The following DTNBP1 variants were observed in gnomAD, a reference collection of about 807,000 sequenced individuals.
The protein encoded by DTNBP1 is dystrobrevin binding protein 1.
DTNBP1 carries 35 observed loss-of-function variants against 42.8 expected under a neutral mutation model. That is an observed-to-expected ratio of 0.82 (90% CI 0.63 to 1.09). The LOEUF (loss-of-function observed/expected upper bound fraction) is 1.09, where lower values mean the gene tolerates loss of function less well. DTNBP1 is among the 50% of genes least tolerant of loss of function. The pLI is 0.00. For synonymous variants in DTNBP1, 171 were observed against 162.2 expected, an observed-to-expected ratio of 1.05 and a Z score of -0.41; for missense variants, 457 against 424.2, an observed-to-expected ratio of 1.08 and a Z score of -0.68.
Position 15,662,726 on chromosome 6 carries a change from G to A in DTNBP1, c.56+88C>T. 3.8e-6 allele frequency: 6 copies of A among 1,566,942 alleles called. No homozygotes were observed. The South Asian group carries it at 5.6e-5, about 15-fold the overall frequency. On this transcript the variant is annotated intron_variant, in intron 1 of 9. Transcript: ENST00000344537. ...TGCGGGACAGGACGGACCCTGGACC[G>A]TGGCGCGGGGAAGGGAGCGAGGCAG...
At position 15,523,579 on chromosome 6, in the gene DTNBP1, C is replaced by A. The variant is rs1368060469; in HGVS notation, c.812-360G>T. On this transcript the variant is annotated intron_variant, in intron 9 of 9. Coordinates refer to ENST00000344537, the MANE Select transcript of DTNBP1 (RefSeq NM_032122.5). ...CTAGATTTCTTTTTTTTTTTTTTAC[C>A]CTTTGCAGTAATTCAGAGACACCAC... 4.0e-6 allele frequency: 5 copies of A among 1,261,298 alleles called. No homozygotes were observed. The East Asian group carries it at 2.8e-4, about 70-fold the overall frequency. 78.1% of individuals were successfully genotyped at this position (1,261,298 alleles called of 1,614,324 possible).
intron 7 of DTNBP1, among the ~76,000 whole-genome samples, chr6:15,568,828 T>C (rs1338060434): frequency 6.6e-6 from 1 of 152,238 alleles, no homozygotes; most frequent in Non-Finnish European, 1.5e-5. Flanking sequence ...ACCAAATACA[T>C]GTTAATCAAC....
intron 4 of DTNBP1, among the ~76,000 whole-genome samples, chr6:15,630,075 C>A (rs1759597160): frequency 6.6e-6 from 1 of 152,058 alleles, no homozygotes; most frequent in Non-Finnish European, 1.5e-5. Flanking sequence ...GCAAGACAAA[C>A]CCATAGTGCT....
At chr6:15,529,508 ATCATTAGCCCCAAACC>A (rs1772659808) in intron 8 of DTNBP1, among the ~76,000 whole-genome samples, 1 of 152,188 alleles carries the variant, frequency 6.6e-6, no homozygotes, top group South Asian at 2.1e-4. Flanking sequence ...TTGTAATTTT[ATCATTAGCCCCAAACC>A]TCGTTCTCTT....
chr6:15,657,326 T>C lies in DTNBP1; in HGVS notation c.57-5186A>G, dbSNP rs1761342584. On this transcript the variant is annotated intron_variant, in intron 1 of 9. Transcript: ENST00000344537. ...TCAAACCTATTGTTAAATTCTTTAA[T>C]GCTGGTATATGACACCATTTATCTA... Among the ~76,000 whole-genome samples the C allele has an allele frequency of 3.9e-5, 6 of 152,366 alleles. No homozygotes were observed. The South Asian group carries it at 1.2e-3, about 32-fold the overall frequency.
Position 15,576,389 on chromosome 6 carries a change from C to G in DTNBP1, c.511+16670G>C, listed in dbSNP as rs540633893. On this transcript the variant is annotated intron_variant, in intron 7 of 9. Transcript: ENST00000344537. Reference sequence around the variant, plus strand: ...CCGCCCGCTGTGGCCTCCCAAAGTGCTGGGATTACAGGCATGAGCCACCGT... The same window carrying G: ...CCGCCCGCTGTGGCCTCCCAAAGTGGTGGGATTACAGGCATGAGCCACCGT... 5.9e-5 allele frequency among the ~76,000 whole-genome samples: 9 copies of G among 151,782 alleles called. No homozygotes were observed. In the East Asian group the frequency reaches 1.8e-3, roughly 30 times the overall value.
intron 3 of DTNBP1, among the ~76,000 whole-genome samples, chr6:15,649,047 T>C (rs1441218870): frequency 6.6e-6 from 1 of 152,106 alleles, no homozygotes; most frequent in Non-Finnish European, 1.5e-5. Flanking sequence ...ATTAGAACCT[T>C]TATACAATAC....
intron 7 of DTNBP1, among the ~76,000 whole-genome samples, chr6:15,552,669 T>C (rs150131866): frequency 6.4e-4 from 98 of 152,362 alleles, no homozygotes; most frequent in African/African-American, 2.3e-3. Flanking sequence ...AGAAGCCTAT[T>C]ATTTTGTAAG....
At chr6:15,569,502 C>T (rs1451029948) in intron 7 of DTNBP1, among the ~76,000 whole-genome samples, 1 of 152,160 alleles carries the variant, frequency 6.6e-6, no homozygotes, top group Non-Finnish European at 1.5e-5. Flanking sequence ...TAGACCCAAA[C>T]TCCTCAGGGA....
At chr6:15,621,000 A>T (rs1405807260) in intron 5 of DTNBP1, among the ~76,000 whole-genome samples, 1 of 152,238 alleles carries the variant, frequency 6.6e-6, no homozygotes, top group Non-Finnish European at 1.5e-5. Flanking sequence ...GCTAAGTTTT[A>T]TATTTAATAA....
chr6:15,576,167 G>A (rs1775555916), intron 7 of DTNBP1, among the ~76,000 whole-genome samples: 3 of 151,616 alleles, frequency 2.0e-5, no homozygotes, highest in Admixed American at 2.0e-4. Context: ...TGCCCAGGCT[G>A]GAGTGCAGTG....
intron 7 of DTNBP1, among the ~76,000 whole-genome samples, chr6:15,571,881 A>T (rs1040653739): frequency 3.9e-5 from 6 of 152,106 alleles, no homozygotes. Flanking sequence ...ATATCTTCAA[A>T]TTTTTCCCAA....
intron 3 of DTNBP1, among the ~76,000 whole-genome samples, chr6:15,639,106 C>G (rs1760196028): frequency 6.6e-6 from 1 of 152,040 alleles, no homozygotes; most frequent in South Asian, 2.1e-4. Flanking sequence ...GATGTGTGAT[C>G]CTGGATTGGA....
intron 7 of DTNBP1, among the ~76,000 whole-genome samples, chr6:15,578,399 G>T (rs1218762415): frequency 6.6e-6 from 1 of 152,220 alleles, no homozygotes; most frequent in Non-Finnish European, 1.5e-5. Context: ...GCTTTCTAGT[G>T]AATTGTGGAC....
At chr6:15,606,031 C>T (rs1470274972) in intron 6 of DTNBP1, among the ~76,000 whole-genome samples, 1 of 152,202 alleles carries the variant, frequency 6.6e-6, no homozygotes, top group Non-Finnish European at 1.5e-5. Context: ...TTAGATGGCA[C>T]TTTTCTCAGA....
At chr6:15,577,006 C>T (rs1426779177) in intron 7 of DTNBP1, among the ~76,000 whole-genome samples, 3 of 151,984 alleles carry the variant, frequency 2.0e-5, no homozygotes, top group African/African-American at 7.3e-5. Context: ...AAAAGAGGAT[C>T]CAGGTCACAA....
intron 5 of DTNBP1, among the ~76,000 whole-genome samples, chr6:15,618,429 G>A (rs569129886): frequency 1.0e-3 from 159 of 151,542 alleles, no homozygotes; most frequent in African/African-American, 3.6e-3. Flanking sequence ...TGGGTACAAC[G>A]TTCACTGTTT....
intron 1 of DTNBP1, among the ~76,000 whole-genome samples, chr6:15,657,092 A>G (rs1761327992): frequency 6.6e-6 from 1 of 152,220 alleles, no homozygotes; most frequent in East Asian, 1.9e-4. Flanking sequence ...CCTAAGGTAC[A>G]AAGCCTAAGA....
chr6:15,632,805 T>G (rs953899078), intron 4 of DTNBP1, among the ~76,000 whole-genome samples: 8 of 152,264 alleles, frequency 5.3e-5, no homozygotes, highest in Non-Finnish European at 1.2e-4. Flanking sequence ...CTTTTAATTC[T>G]GGAATAAACT....
Sources: allele counts gnomAD v4.1 joint callset (sites outside exome capture counted in the v4.1 genomes callset), GRCh38; gene constraint gnomAD v4.1.1; transcripts MANE v1.5; gene names NCBI Gene and HGNC (gene_info 2026-07-23, HGNC 2026-07-21).